The following AGPAT3 variants were observed in gnomAD, a reference collection of about 807,000 sequenced individuals.
The protein encoded by AGPAT3 is 1-acyl-sn-glycerol-3-phosphate acyltransferase gamma.
Under a neutral mutation model 47.3 loss-of-function variants are expected in AGPAT3, and 5 were observed. The observed-to-expected ratio is 0.11, with a 90% confidence interval of 0.06 to 0.22. The LOEUF (loss-of-function observed/expected upper bound fraction) is 0.22. Among genes scored for constraint, AGPAT3 ranks in the 10% least tolerant of loss-of-function variants. The pLI is 1.00. For synonymous variants in AGPAT3, 212 were observed against 208.3 expected (o/e 1.02, Z -0.15); for missense variants, 315 against 493.0 (o/e 0.64, Z 3.42).
chr21:43,923,454 A>C (rs2086956097), intron 2 of AGPAT3, among the ~76,000 whole-genome samples: 1 of 152,232 alleles, frequency 6.6e-6, no homozygotes, highest in South Asian at 2.1e-4. Flanking sequence ...CCCCACAAGC[A>C]GTGCTCCAGG....
intron 7 of AGPAT3, among the ~76,000 whole-genome samples, chr21:43,972,383 T>A (rs968836504): frequency 5.3e-5 from 8 of 152,126 alleles, no homozygotes; most frequent in African/African-American, 1.7e-4. Flanking sequence ...TGACCTCAAG[T>A]GATCTGCCTG....
chr21:43,954,211 C>T lies in AGPAT3; in HGVS notation c.-48-5423C>T, dbSNP rs149062531. ...GGGACCGGTGTGGCCAAGCAGGGCA[C>T]CTTCCTCACCGTCACCCTTCTGCAG... is the stretch of plus-strand genomic sequence containing the variant. On this transcript the variant is annotated intron_variant, in intron 2 of 9. Transcript: ENST00000291572. This position sits in a 1 kb window ranked among gnomAD's most constrained non-coding sequence, Gnocchi z 4.0. 1.8e-3 allele frequency among the ~76,000 whole-genome samples: 274 copies of T among 152,328 alleles called. 1 individual carries two copies. The highest frequency in any genetic ancestry group is 3.1e-3 in the Admixed American group (47 of 15,302).
chr21:43,951,690 C>T (rs549471485), intron 2 of AGPAT3, among the ~76,000 whole-genome samples: 4 of 152,252 alleles, frequency 2.6e-5, no homozygotes, highest in East Asian at 1.9e-4. Flanking sequence ...GGGATTTCAG[C>T]GCTGGTGACA....
intron 1 of AGPAT3, among the ~76,000 whole-genome samples, chr21:43,872,886 TACAA>T (rs1213978167): frequency 3.9e-5 from 6 of 152,102 alleles, no homozygotes; most frequent in Admixed American, 3.3e-4. Context: ...GTGTGAGAAA[TACAA>T]ACAAAGTGAC....
At chr21:43,898,950 A>G (rs2086289805) in intron 1 of AGPAT3, among the ~76,000 whole-genome samples, 1 of 152,024 alleles carries the variant, frequency 6.6e-6, no homozygotes, top group South Asian at 2.1e-4. Flanking sequence ...TCCTGAACTC[A>G]AGTGATCCTT....
At position 43,933,204 on chromosome 21, in the gene AGPAT3, G is replaced by C. The variant is rs955525799; in HGVS notation, c.-48-26430G>C. 3.9e-5 allele frequency among the ~76,000 whole-genome samples: 6 copies of C among 152,156 alleles called. No individual in the cohort carries two copies. Among genetic ancestry groups the C allele is most frequent in the Admixed American group, 3.3e-4 (5 of 15,278 alleles). ...CGTTAACCTGCTGGCTGTCGGTGTG[G>C]CTCCTTCTGAGGCACAGCCGTTCGG... On this transcript the variant is annotated intron_variant, in intron 2 of 9. Transcript: ENST00000291572. This position sits in a 1 kb window ranked among gnomAD's most constrained non-coding sequence, Gnocchi z 6.0.
At chr21:43,942,148 A>G (rs1292288785) in intron 2 of AGPAT3, among the ~76,000 whole-genome samples, 2 of 152,274 alleles carry the variant, frequency 1.3e-5, no homozygotes, top group Non-Finnish European at 1.5e-5. Flanking sequence ...TGGCACTTGC[A>G]GTACGACCTG....
At chr21:43,881,357 G>GAAA (rs2085850252) in intron 1 of AGPAT3, among the ~76,000 whole-genome samples, 1 of 152,206 alleles carries the variant, frequency 6.6e-6, no homozygotes, top group African/African-American at 2.4e-5. Flanking sequence ...TGGTGAAGCT[G>GAAA]AAAACTGCTA....
chr21:43,970,052 A>G lies in AGPAT3; in HGVS notation c.511-601A>G, dbSNP rs538519750. On this transcript the variant is annotated intron_variant, in intron 5 of 9. Transcript: ENST00000291572. This position sits in a 1 kb window ranked among gnomAD's most constrained non-coding sequence, Gnocchi z 5.8. ...GAGACAGAGCCTTAGTCTGTCACCC[A>G]GGCTAGAGTGCAGTGGCATGATCTC... Among the ~76,000 whole-genome samples the G allele has an allele frequency of 5.4e-4, 82 of 151,864 alleles. No homozygotes were observed. The highest frequency in any genetic ancestry group is 1.6e-3 in the African/African-American group (68 of 41,358).
At chr21:43,865,513 C>T (rs1412985767) in intron 1 of AGPAT3, among the ~76,000 whole-genome samples, 168 bp downstream of exon 1, 1 of 147,386 alleles carries the variant, frequency 6.8e-6, no homozygotes, top group African/African-American at 2.4e-5. Context: ...CTCCGCGGGG[C>T]GCGGGGCCTG....
intron 2 of AGPAT3, among the ~76,000 whole-genome samples, chr21:43,926,497 A>G (rs1193527735): frequency 6.6e-6 from 1 of 152,090 alleles, no homozygotes; most frequent in African/African-American, 2.4e-5. Flanking sequence ...TCTCACAGAG[A>G]ACAGGCAGCT....
intron 2 of AGPAT3, among the ~76,000 whole-genome samples, chr21:43,942,425 C>G (rs2146379315): frequency 6.6e-6 from 1 of 152,342 alleles, no homozygotes; most frequent in South Asian, 2.1e-4. Context: ...TGAAGCACCT[C>G]TGCCTACCCT....
chr21:43,889,970 G>T (rs950435296), intron 1 of AGPAT3, among the ~76,000 whole-genome samples: 7 of 151,934 alleles, frequency 4.6e-5, no homozygotes, highest in African/African-American at 1.7e-4. Context: ...TGACATTTTG[G>T]ATCCGTGTCC....
chr21:43,884,530 C>T (rs950221562), intron 1 of AGPAT3, among the ~76,000 whole-genome samples: 4 of 152,352 alleles, frequency 2.6e-5, no homozygotes, highest in African/African-American at 7.2e-5. Flanking sequence ...GGGGCCCAGC[C>T]TCCTGCTCCT....
intron 7 of AGPAT3, among the ~76,000 whole-genome samples, chr21:43,971,726 A>T (rs1422773270): frequency 6.6e-6 from 1 of 152,004 alleles, no homozygotes; most frequent in Non-Finnish European, 1.5e-5. Context: ...GACACGGGGG[A>T]TGTGTGGGGA....
chr21:43,867,163 C>T (rs1466154569), intron 1 of AGPAT3: 1 of 152,312 alleles, frequency 6.6e-6, no homozygotes, highest in African/African-American at 2.4e-5. Context: ...CACCTGCCTC[C>T]CATCCCCTCC....
intron 1 of AGPAT3, among the ~76,000 whole-genome samples, chr21:43,899,855 C>G (rs971037493): frequency 3.3e-5 from 5 of 152,190 alleles, no homozygotes; most frequent in African/African-American, 9.7e-5. Flanking sequence ...GTGATGCTCT[C>G]TTGACCTGCC....
intron 1 of AGPAT3, among the ~76,000 whole-genome samples, chr21:43,871,700 C>T (rs1357789413): frequency 6.6e-6 from 1 of 152,196 alleles, no homozygotes; most frequent in African/African-American, 2.4e-5. Flanking sequence ...TGTGAAGTTC[C>T]TGTTCATGTG....
At chr21:43,968,986 A>G (rs1601454146) in intron 4 of AGPAT3, 132 bp from the exon 5 acceptor site, 1 of 902,708 alleles carries the variant, frequency 1.1e-6, no homozygotes, top group Non-Finnish European at 1.6e-6. Flanking sequence ...TTCACAGCAG[A>G]CCCCCTGAGC....
Sources: gnomAD v4.1 joint callset for allele counts (sites outside exome capture counted in the v4.1 genomes callset) on GRCh38, gnomAD v4.1.1 for gene constraint, Gnocchi (gnomAD v3.1) non-coding constraint, MANE v1.5 for transcripts, NCBI Gene and HGNC (gene_info 2026-07-23, HGNC 2026-07-21) for gene names.